Variants in VRK2 observed in about 807,000 individuals in gnomAD.
VRK2 encodes VRK serine/threonine kinase 2.
A neutral mutation model predicts 57.6 loss-of-function variants in VRK2; 60 were observed. The ratio of observed to expected loss-of-function variants is 1.04; its 90% CI spans 0.85 to 1.29. The LOEUF is 1.29. VRK2 is among the 50% of genes most tolerant of loss of function. The pLI, the probability that VRK2 is intolerant of heterozygous loss-of-function variation, is 0.00. For missense variants in VRK2, 705 were observed against 588.1 expected (o/e 1.20, Z -2.06); for synonymous variants, 231 against 199.2 (o/e 1.16, Z -1.35).
intron 10 of VRK2, among the ~76,000 whole-genome samples, chr2:58,139,123 A>G (rs2104603690): frequency 6.6e-6 from 1 of 152,278 alleles, no homozygotes; most frequent in South Asian, 2.1e-4. Context: ...TATGGAGGAC[A>G]TGAGGGAGGT....
chr2:57,942,552 C>A (rs1265231442), intron 1 of VRK2, among the ~76,000 whole-genome samples: 3 of 146,916 alleles, frequency 2.0e-5, no homozygotes, highest in African/African-American at 7.3e-5. Flanking sequence ...AAAAAAGGGG[C>A]ATTTCTATGG....
chr2:58,155,973 T>C (rs1477346927), intron 12 of VRK2, among the ~76,000 whole-genome samples: 1 of 151,896 alleles, frequency 6.6e-6, no homozygotes, highest in African/African-American at 2.4e-5. Context: ...ACGCAGGCTC[T>C]TTTATGGCCC....
At chr2:58,030,262 T>C (rs1215692808) in intron 2 of VRK2, among the ~76,000 whole-genome samples, 2 of 152,128 alleles carry the variant, frequency 1.3e-5, no homozygotes, top group Non-Finnish European at 2.9e-5. Context: ...CACACCTAAA[T>C]AATCATTTTA....
At chr2:58,051,033 C>T (rs7577892) in intron 2 of VRK2, among the ~76,000 whole-genome samples, 1,691 of 152,194 alleles carry the variant, frequency 0.011, 34 homozygotes, top group African/African-American at 0.038. Context: ...TTAGTAGAAA[C>T]GGGGTTTTGC....
intron 1 of VRK2, among the ~76,000 whole-genome samples, chr2:57,937,780 CT>C (rs1473924161): frequency 1.3e-4 from 20 of 151,294 alleles, no homozygotes; most frequent in African/African-American, 4.6e-4. Flanking sequence ...TCTTAACAAT[CT>C]CTTCTGGCAT....
chr2:58,132,695 C>G (rs17049364), intron 9 of VRK2, among the ~76,000 whole-genome samples: 5,409 of 152,186 alleles, frequency 0.036, 331 homozygotes, highest in African/African-American at 0.12. Context: ...AAAATCACAA[C>G]AGAAGAGTAC....
At chr2:57,910,153 T>C (rs1355417593) in intron 1 of VRK2, among the ~76,000 whole-genome samples, 2 of 151,516 alleles carry the variant, frequency 1.3e-5, no homozygotes, top group Non-Finnish European at 2.9e-5. Context: ...CCATCGTTGA[T>C]CTATTTTCTA....
intron 3 of VRK2, among the ~76,000 whole-genome samples, chr2:58,034,148 T>G (rs1241110438): frequency 6.6e-6 from 1 of 152,032 alleles, no homozygotes; most frequent in African/African-American, 2.4e-5. Context: ...TATTTTCTTA[T>G]TTAAGGAAGA....
intron 1 of VRK2, among the ~76,000 whole-genome samples, chr2:57,920,402 C>T (rs1357684959): frequency 6.6e-6 from 1 of 152,106 alleles, no homozygotes; most frequent in Non-Finnish European, 1.5e-5. Flanking sequence ...TTTCACATAT[C>T]CTCACGATCA....
intron 7 of VRK2, among the ~76,000 whole-genome samples, chr2:58,113,388 G>T (rs1025469109): frequency 9.2e-5 from 14 of 151,900 alleles, no homozygotes; most frequent in African/African-American, 3.4e-4. Flanking sequence ...ACTTCAGAGA[G>T]AGCCCCTCCT....
chr2:57,987,770 CA>C (rs1354807878), intron 1 of VRK2, among the ~76,000 whole-genome samples: 2 of 151,420 alleles, frequency 1.3e-5, no homozygotes, highest in East Asian at 2.0e-4. Flanking sequence ...AGGAAATGGG[CA>C]AAAAAGATTG....
chr2:58,082,106 T>G (rs903833578), intron 2 of VRK2, among the ~76,000 whole-genome samples: 1 of 151,906 alleles, frequency 6.6e-6, no homozygotes, highest in Admixed American at 6.6e-5. Flanking sequence ...CTTGGAAGCT[T>G]ATAGAGAATA....
At chr2:57,915,122 C>A (rs1670105519) in intron 1 of VRK2, among the ~76,000 whole-genome samples, 2 of 152,182 alleles carry the variant, frequency 1.3e-5, no homozygotes, top group East Asian at 3.9e-4. Flanking sequence ...AATCATAGTT[C>A]TTTAAAAGTT....
chr2:58,052,381 G>A (rs1675878571), intron 2 of VRK2, among the ~76,000 whole-genome samples: 1 of 152,110 alleles, frequency 6.6e-6, no homozygotes, highest in African/African-American at 2.4e-5. Flanking sequence ...GGAAGGCCCA[G>A]GCGGGTGGAT....
At chr2:57,933,313 T>TTTTC (rs1558500317) in intron 1 of VRK2, among the ~76,000 whole-genome samples, 1 of 128,698 alleles carries the variant, frequency 7.8e-6, no homozygotes, top group Non-Finnish European at 1.6e-5. Context: ...CTTTTTCTTT[T>TTTTC]TTTTTTTTTT....
intron 12 of VRK2, 21 bp from the exon 13 acceptor site, chr2:58,159,328 A>G (rs948203035): frequency 5.8e-6 from 9 of 1,559,436 alleles, no homozygotes; most frequent in Admixed American, 1.9e-5. Context: ...AAACTAAACT[A>G]TATATGTATT....
chr2:57,972,477 T>C (rs1190143952), intron 1 of VRK2, among the ~76,000 whole-genome samples: 1 of 151,906 alleles, frequency 6.6e-6, no homozygotes, highest in Non-Finnish European at 1.5e-5. Flanking sequence ...TTTATTTTTT[T>C]CTGCATTATT....
intron 6 of VRK2, among the ~76,000 whole-genome samples, chr2:58,089,252 T>C (rs1672042791): frequency 1.3e-5 from 2 of 152,156 alleles, no homozygotes; most frequent in Non-Finnish European, 2.9e-5. Flanking sequence ...TTTATAATTA[T>C]TGCTTAGGTG....
At chr2:57,955,726 C>G (rs187052485) in intron 1 of VRK2, among the ~76,000 whole-genome samples, 9 of 152,264 alleles carry the variant, frequency 5.9e-5, no homozygotes, top group Non-Finnish European at 1.3e-4. Flanking sequence ...CCCTACACAT[C>G]CTGCACATGT....
Sources: gnomAD v4.1 joint callset for allele counts (sites outside exome capture counted in the v4.1 genomes callset) on GRCh38, gnomAD v4.1.1 for gene constraint, MANE v1.5 for transcripts, NCBI Gene and HGNC (gene_info 2026-07-23, HGNC 2026-07-21) for gene names.